Variants in ZNF532 observed in about 807,000 individuals in gnomAD.
ZNF532 encodes zinc finger protein 532.
A neutral mutation model predicts 89.3 loss-of-function variants in ZNF532; 22 were observed. The observed-to-expected ratio is 0.25, with a 90% CI of 0.18 to 0.35. The LOEUF (loss-of-function observed/expected upper bound fraction) is 0.35, where lower values mean the gene tolerates loss of function less well. Among genes scored for constraint, ZNF532 ranks in the 10% least tolerant of loss-of-function variants. The probability of loss-of-function intolerance (pLI) is 1.00; values close to 1 mark genes in which losing one functional copy is unlikely to be tolerated. For synonymous variants in ZNF532, 606 were observed against 649.6 expected (o/e 0.93, Z 1.02); for missense variants, 1,132 against 1,643.4 (o/e 0.69, Z 5.38).
Position 58,893,675 on chromosome 18 carries a change from AGAAAT to A in ZNF532, c.-17-24593_-17-24589del, listed in dbSNP as rs541849252. Among the ~76,000 whole-genome samples the A allele has an allele frequency of 2.4e-3, 364 of 152,092 alleles. 1 individual carries two copies. The highest frequency in any genetic ancestry group is 3.4e-3 in the Non-Finnish European group (228 of 67,964). ...CTGTCTCAAAAAAAAAAAAAAAGAA[AGAAAT>A]GAGATAATTGGGAAGCTATGTGAAT... On this transcript the variant is annotated intron_variant, in intron 2 of 9. Transcript: ENST00000591808.
chr18:58,966,499 C>T (rs940743260), intron 7 of ZNF532, among the ~76,000 whole-genome samples: 1 of 152,068 alleles, frequency 6.6e-6, no homozygotes, highest in African/African-American at 2.4e-5. Context: ...TTTCACTGAA[C>T]TGAAACAAAG....
At chr18:58,900,658 T>C (rs564598328) in intron 2 of ZNF532, among the ~76,000 whole-genome samples, 2 of 152,338 alleles carry the variant, frequency 1.3e-5, no homozygotes, top group East Asian at 3.9e-4. Flanking sequence ...CCAAACTTTG[T>C]TGATGCCTCA....
chr18:58,939,425 T>C lies in ZNF532; in HGVS notation c.2529-20T>C. On this transcript the variant is annotated intron_variant, in intron 4 of 9. Coordinates refer to ENST00000591808, the MANE Select transcript of ZNF532 (RefSeq NM_001375912.1). The stretch of plus-strand genomic sequence containing the variant: ...TGTTATGGTCTTGTGCTAATGACCG[T>C]GTGTTTATTTTTCTAACAGATGTGT... 1 of 1,604,324 alleles carries C rather than the reference T, an allele frequency of 6.2e-7. No homozygotes were observed. The highest frequency in any genetic ancestry group is 8.5e-7 in the Non-Finnish European group (1 of 1,175,038).
intron 2 of ZNF532, among the ~76,000 whole-genome samples, chr18:58,884,252 G>A (rs1200882217): frequency 1.3e-5 from 2 of 152,264 alleles, no homozygotes; most frequent in South Asian, 2.1e-4. Context: ...CGCTGGGCGC[G>A]CTCCTGTAAT....
intron 3 of ZNF532, 71 bp downstream of exon 3, chr18:58,920,704 T>G: frequency 7.4e-7 from 1 of 1,351,896 alleles, no homozygotes; most frequent in South Asian, 1.4e-5. Context: ...AAGATGCCCT[T>G]GATTTTAGGG....
chr18:58,973,259 T>C (rs1669028932), intron 7 of ZNF532, among the ~76,000 whole-genome samples: 1 of 152,192 alleles, frequency 6.6e-6, no homozygotes, highest in Non-Finnish European at 1.5e-5. Flanking sequence ...TGCACCACCA[T>C]GCCCAGCTAA....
Position 58,878,673 on chromosome 18 carries a change from C to T in ZNF532, c.-18+13094C>T, listed in dbSNP as rs371292249. Among the ~76,000 whole-genome samples the T allele has an allele frequency of 4.6e-5, 7 of 152,326 alleles. No homozygotes were observed. In the East Asian group the frequency reaches 1.2e-3, roughly 25 times the overall value. ...ATTGGGAGAGGCAGTAGCTCCTTGC[C>T]TGGCAAAGTTCATACGAGAAGGCTC... On this transcript the variant is annotated intron_variant, in intron 2 of 9. Coordinates refer to ENST00000591808, the MANE Select transcript of ZNF532 (RefSeq NM_001375912.1).
At chr18:58,901,682 G>A (rs1378649051) in intron 2 of ZNF532, among the ~76,000 whole-genome samples, 1 of 152,184 alleles carries the variant, frequency 6.6e-6, no homozygotes, top group African/African-American at 2.4e-5. Context: ...TACAAGTGAC[G>A]ATGAGTCCAC....
At chr18:58,922,565 A>G (rs2061192942) in intron 3 of ZNF532, among the ~76,000 whole-genome samples, 1 of 152,214 alleles carries the variant, frequency 6.6e-6, no homozygotes, top group Non-Finnish European at 1.5e-5. Context: ...CCCGGTGACA[A>G]TGCCTGGGTT....
At chr18:58,946,984 G>A (rs931367901) in intron 5 of ZNF532, among the ~76,000 whole-genome samples, 8 of 152,080 alleles carry the variant, frequency 5.3e-5, no homozygotes, top group South Asian at 2.1e-4. Context: ...GAGGCATTCC[G>A]TTCTTCAACT....
intron 2 of ZNF532, among the ~76,000 whole-genome samples, chr18:58,897,971 GTAAA>G (rs926934765): frequency 5.3e-5 from 8 of 152,024 alleles, no homozygotes; most frequent in African/African-American, 1.7e-4. Flanking sequence ...AAATAAGTAA[GTAAA>G]TAAATAAATG....
In ZNF532 at chr18:58,939,754, A is replaced by G. The variant is rs1278120227; in HGVS notation, c.2705+133A>G. Reference sequence around the variant, plus strand: ...GCAGCTATGCCAATTTTGATGCTTTATGAAATACAGCTCATAGCTCATCCA... The same window carrying G: ...GCAGCTATGCCAATTTTGATGCTTTGTGAAATACAGCTCATAGCTCATCCA... On this transcript the variant is annotated intron_variant, in intron 5 of 9. Coordinates refer to ENST00000591808, the MANE Select transcript of ZNF532 (RefSeq NM_001375912.1). The G allele has an allele frequency of 7.6e-5, 59 of 780,122 alleles. 1 individual carries two copies. Among genetic ancestry groups the G allele is most frequent in the South Asian group, 2.0e-5 (1 of 49,822 alleles). 48.3% of individuals were successfully genotyped at this position (780,122 alleles called of 1,614,324 possible).
chr18:58,974,691 C>T (rs1369571668), intron 7 of ZNF532, among the ~76,000 whole-genome samples: 1 of 152,180 alleles, frequency 6.6e-6, no homozygotes, highest in Non-Finnish European at 1.5e-5. Context: ...CCTCCGATTT[C>T]ACCAGGGCCT....
chr18:58,931,373 C>T (rs1440489280), intron 3 of ZNF532, among the ~76,000 whole-genome samples: 1 of 152,058 alleles, frequency 6.6e-6, no homozygotes, highest in Non-Finnish European at 1.5e-5. Flanking sequence ...CCCTCATGCT[C>T]AAATACATCC....
At chr18:58,876,253 A>G (rs978293284) in intron 2 of ZNF532, among the ~76,000 whole-genome samples, 93 of 152,082 alleles carry the variant, frequency 6.1e-4, no homozygotes, top group Admixed American at 7.9e-4. Flanking sequence ...GATCTTGTTA[A>G]AATACAGATA....
At position 58,882,779 on chromosome 18, in the gene ZNF532, C is replaced by T. The variant is rs568890223; in HGVS notation, c.-18+17200C>T. 9.2e-5 allele frequency among the ~76,000 whole-genome samples: 14 copies of T among 152,260 alleles called. No homozygotes were observed. In the South Asian group the frequency reaches 1.9e-3, roughly 20 times the overall value. ...GAATAATTTCTTAAACCCAGCTTTA[C>T]GTTTGTCCCAGAGATATCTCATCCT... On this transcript the variant is annotated intron_variant, in intron 2 of 9. Coordinates refer to ENST00000591808, the MANE Select transcript of ZNF532 (RefSeq NM_001375912.1).
At chr18:58,903,090 A>G (rs1192171856) in intron 2 of ZNF532, among the ~76,000 whole-genome samples, 1 of 152,168 alleles carries the variant, frequency 6.6e-6, no homozygotes, top group East Asian at 1.9e-4. Context: ...TTTCCATGTT[A>G]CTTGTTTCCA....
chr18:58,957,856 G>A (rs1284705936), intron 7 of ZNF532, among the ~76,000 whole-genome samples: 2 of 152,044 alleles, frequency 1.3e-5, no homozygotes, highest in Admixed American at 6.6e-5. Context: ...TTGAGGTCAG[G>A]AGTTCGAGAC....
intron 2 of ZNF532, among the ~76,000 whole-genome samples, chr18:58,884,204 C>A (rs2058120775): frequency 6.6e-6 from 1 of 152,222 alleles, no homozygotes. Flanking sequence ...TATGGTGAAA[C>A]CCTGTCTCTA....
Sources: allele counts gnomAD v4.1 joint callset (sites outside exome capture counted in the v4.1 genomes callset), GRCh38; gene constraint gnomAD v4.1.1; transcripts MANE v1.5; gene names NCBI Gene and HGNC (gene_info 2026-07-23, HGNC 2026-07-21).